The following ARHGAP11B variants were observed in gnomAD, a reference collection of about 807,000 sequenced individuals.
The protein encoded by ARHGAP11B is inactive Rho GTPase-activating protein 11B.
In ARHGAP11B, 14 loss-of-function variants were observed where a neutral mutation model predicts 27.6. That is an observed-to-expected ratio of 0.51 (90% CI 0.34 to 0.79). ARHGAP11B has a LOEUF of 0.79. ARHGAP11B is among the 30% of genes least tolerant of loss of function. The probability of loss-of-function intolerance (pLI) is 0.02; values close to 1 mark genes in which losing one functional copy is unlikely to be tolerated. For missense variants in ARHGAP11B, 245 were observed against 320.1 expected, an observed-to-expected ratio of 0.77 and a Z score of 1.79; for synonymous variants, 82 against 114.1, an observed-to-expected ratio of 0.72 and a Z score of 1.80.
chr15:30,639,977 T>A (rs1302176295), intron 7 of ARHGAP11B, among the ~76,000 whole-genome samples: 25 of 139,558 alleles, frequency 1.8e-4, no homozygotes, highest in African/African-American at 6.4e-4. Flanking sequence ...ATAGAGTGTG[T>A]GTGTGTGTGT....
chr15:30,631,246 A>G (rs1347639785), intron 2 of ARHGAP11B, among the ~76,000 whole-genome samples: 2 of 151,824 alleles, frequency 1.3e-5, no homozygotes, highest in Non-Finnish European at 2.9e-5. Flanking sequence ...GTTAGAAATC[A>G]CAAAAAATTT....
intron 7 of ARHGAP11B, among the ~76,000 whole-genome samples, chr15:30,642,519 A>G (rs1055879833): frequency 1.1e-4 from 17 of 152,044 alleles, no homozygotes; most frequent in Admixed American, 1.3e-4. Context: ...GCCAGCAGGT[A>G]TATCTCAAAT....
chr15:30,645,662 A>AG (rs2060343088), intron 8 of ARHGAP11B, among the ~76,000 whole-genome samples: 4 of 152,010 alleles, frequency 2.6e-5, no homozygotes, highest in African/African-American at 9.7e-5. Context: ...ATTTGGAGCT[A>AG]AAATTTCAGG....
rs1289175621 is a variant in ARHGAP11B at position 30,633,266 on chromosome 15, A to G, written c.201-224A>G. On this transcript the variant is annotated intron_variant, in intron 2 of 10. Transcript: ENST00000428041. ...ATGAAGTAGGATTGAGAAAGATAAA[A>G]TTTAGTGTGCATATTGGAGTTGTTA... is the stretch of plus-strand genomic sequence containing the variant. 2.0e-5 allele frequency among the ~76,000 whole-genome samples: 3 copies of G among 151,940 alleles called. 1 individual carries two copies. Among genetic ancestry groups the G allele is most frequent in the Non-Finnish European group, 4.4e-5 (3 of 67,946 alleles).
At chr15:30,628,079 C>CTTTT (rs371979874) in intron 1 of ARHGAP11B, among the ~76,000 whole-genome samples, 3 of 141,016 alleles carry the variant, frequency 2.1e-5, no homozygotes, top group Non-Finnish European at 3.1e-5. Context: ...TTTTCTTTTC[C>CTTTT]TTTTTTTTTT....
intron 1 of ARHGAP11B, among the ~76,000 whole-genome samples, chr15:30,629,323 C>A (rs1214324935): frequency 6.6e-6 from 1 of 151,914 alleles, no homozygotes; most frequent in Non-Finnish European, 1.5e-5. Flanking sequence ...GAGGGTGGAT[C>A]ACGAGGTCAG....
Position 30,648,369 on chromosome 15 carries a change from G to A in ARHGAP11B, c.*437G>A, listed in dbSNP as rs375641837. On this transcript the variant is annotated 3_prime_UTR_variant, in exon 11 of 11. Coordinates refer to ENST00000428041, the Ensembl canonical transcript of ARHGAP11B. The stretch of plus-strand genomic sequence containing the variant: ...AGAAGGCTCTGGGTTCCTGTTGCCT[G>A]TAAGACTTGGCCAAATGATTATCTT... 1.7e-4 allele frequency among the ~76,000 whole-genome samples: 26 copies of A among 152,106 alleles called. No individual in the cohort carries two copies. The East Asian group carries it at 2.9e-3, about 17-fold the overall frequency.
At position 30,643,768 on chromosome 15, in the gene ARHGAP11B, G is replaced by A. The variant is rs2648147; in HGVS notation, c.*79-871G>A. On this transcript the variant is annotated intron_variant, in intron 7 of 10. Coordinates refer to ENST00000428041, the Ensembl canonical transcript of ARHGAP11B. ...GAATATGCATTTTAGTAAGAATACTGCAGTAAATACAGTAATGCTGGTTAC... is the reference window on the plus strand; with the variant it reads ...GAATATGCATTTTAGTAAGAATACTACAGTAAATACAGTAATGCTGGTTAC... Among the ~76,000 whole-genome samples, 5 of 151,998 alleles carry A rather than the reference G, an allele frequency of 3.3e-5. 1 individual carries two copies. The highest frequency in any genetic ancestry group is 7.2e-5 in the African/African-American group (3 of 41,418).
intron 9 of ARHGAP11B, among the ~76,000 whole-genome samples, chr15:30,646,576 G>C (rs1279437922): frequency 1.3e-5 from 2 of 151,428 alleles, no homozygotes; most frequent in Admixed American, 6.6e-5. Context: ...CAGGAAAATG[G>C]CGTGAACCCC....
At chr15:30,638,355 T>C (rs1043966629) in intron 6 of ARHGAP11B, among the ~76,000 whole-genome samples, 9 of 152,040 alleles carry the variant, frequency 5.9e-5, no homozygotes, top group South Asian at 2.1e-4. Flanking sequence ...ATTGATATAA[T>C]GTTTTTACTT....
Position 30,645,719 on chromosome 15 carries a change from T to C in ARHGAP11B, c.*143-395T>C, listed in dbSNP as rs559740486. The stretch of plus-strand genomic sequence containing the variant: ...CCTCGTTATTTTTTTACAGTGATTT[T>C]ATTGGAACTTTTTAATAACTGGGAT... On this transcript the variant is annotated intron_variant, in intron 8 of 10. Transcript: ENST00000428041. Among the ~76,000 whole-genome samples, 6 of 152,192 alleles carry C rather than the reference T, an allele frequency of 3.9e-5. No homozygotes were observed. The South Asian group carries it at 1.2e-3, about 32-fold the overall frequency.
Position 30,647,149 on chromosome 15 carries a change from T to C in ARHGAP11B, c.*325-519T>C, listed in dbSNP as rs183971132. Among the ~76,000 whole-genome samples, 682 of 152,084 alleles carry C rather than the reference T, an allele frequency of 4.5e-3. 7 individuals are homozygous for C. Among genetic ancestry groups the C allele is most frequent in the Non-Finnish European group, 7.7e-3 (526 of 67,974 alleles). On this transcript the variant is annotated intron_variant, in intron 9 of 10. Coordinates refer to ENST00000428041, the Ensembl canonical transcript of ARHGAP11B. ...ACATCAACCCCCTAAGACATTTTTT[T>C]CCTATCCTCTGGGAATATTACGTTT...
intron 6 of ARHGAP11B, among the ~76,000 whole-genome samples, chr15:30,637,128 C>T (rs528361271): frequency 1.1e-4 from 17 of 151,890 alleles, no homozygotes; most frequent in African/African-American, 3.9e-4. Flanking sequence ...GTTATCACAT[C>T]TAAATAGATA....
chr15:30,638,947 A>C, intron 7 of ARHGAP11B, 137 bp downstream of exon 7: 1 of 482,032 alleles, frequency 2.1e-6, no homozygotes, highest in Non-Finnish European at 3.5e-6. Flanking sequence ...ATTATTTTTA[A>C]TAGTCATACT....
At chr15:30,629,282 G>A (rs1308414471) in intron 1 of ARHGAP11B, among the ~76,000 whole-genome samples, 5 of 152,030 alleles carry the variant, frequency 3.3e-5, no homozygotes, top group Non-Finnish European at 5.9e-5. Flanking sequence ...GATGGCTCAC[G>A]CCTGTAATCC....
At chr15:30,646,198 G>C (rs879585038) in exon 9 of ARHGAP11B, 6 of 1,068,476 alleles carry the variant, frequency 5.6e-6, no homozygotes, top group Non-Finnish European at 6.9e-6. Context: ...AGTGAGAAGA[G>C]CTCGGGGACC....
rs377099058 is a variant in ARHGAP11B, at chr15:30,630,812, G to A, written c.200+39G>A. 392 of 1,604,670 alleles carry A rather than the reference G, an allele frequency of 2.4e-4. 5 individuals are homozygous for A. The highest frequency in any genetic ancestry group is 2.4e-3 in the Middle Eastern group (14 of 5,750). On this transcript the variant is annotated intron_variant, in intron 2 of 10. Transcript: ENST00000428041. ...GAAATGAAGAAGGCCGGGTGCAGTG[G>A]CATATGCCTGTAACCCCAGCATTTT... is the stretch of plus-strand genomic sequence containing the variant.
At chr15:30,641,827 G>C (rs2060317601) in intron 7 of ARHGAP11B, among the ~76,000 whole-genome samples, 1 of 151,072 alleles carries the variant, frequency 6.6e-6, no homozygotes, top group Admixed American at 6.6e-5. Context: ...AGTGATTCTT[G>C]TGCCTCAGCC....
chr15:30,631,020 C>T (rs990829861), intron 2 of ARHGAP11B, among the ~76,000 whole-genome samples: 3 of 151,454 alleles, frequency 2.0e-5, no homozygotes, highest in African/African-American at 7.3e-5. Flanking sequence ...TGCAGTGAGC[C>T]TTCTAGCCAG....
Sources: gnomAD v4.1 joint callset for allele counts (sites outside exome capture counted in the v4.1 genomes callset) on GRCh38, gnomAD v4.1.1 for gene constraint, MANE v1.5 for transcripts, NCBI Gene and HGNC (gene_info 2026-07-23, HGNC 2026-07-21) for gene names.